Variants in SCRIB observed in about 807,000 individuals in gnomAD.
The protein encoded by SCRIB is protein scribble homolog.
In SCRIB, 72 loss-of-function variants were observed where a neutral mutation model predicts 170.0. The ratio of observed to expected loss-of-function variants is 0.42; its 90% CI spans 0.35 to 0.52. The LOEUF (loss-of-function observed/expected upper bound fraction) is 0.52, where lower values mean the gene tolerates loss of function less well. SCRIB is among the 20% of genes least tolerant of loss of function. SCRIB has a pLI of 0.02. For synonymous variants in SCRIB, 1,298 were observed against 1,044.3 expected, an observed-to-expected ratio of 1.24 and a Z score of -4.68; for missense variants, 2,475 against 2,338.5, an observed-to-expected ratio of 1.06 and a Z score of -1.20.
In SCRIB at chr8:143,813,306, C is replaced by A. The variant is rs753422646; in HGVS notation, c.567+5G>T. The A allele has an allele frequency of 2.5e-6, 4 of 1,613,480 alleles. No individual in the cohort carries two copies. The South Asian group carries it at 3.3e-5, about 13-fold the overall frequency. On this transcript the variant is annotated splice_donor_5th_base_variant and intron_variant, in intron 6 of 36. Coordinates refer to ENST00000356994, the MANE Select transcript of SCRIB (RefSeq NM_182706.5). ...CGGTCTCTGCCCTGTCAGGCCTCCA[C>A]GCACCAGCACTTCCAGATCGTTGCC...
chr8:143,799,761 T>C (rs1554634667), intron 24 of SCRIB, among the ~76,000 whole-genome samples: 1 of 144,278 alleles, frequency 6.9e-6, no homozygotes, highest in Non-Finnish European at 1.5e-5. Context: ...GCACCAGTCC[T>C]AGAAAGCAGG....
chr8:143,811,273 G>A lies in SCRIB; in HGVS notation c.979C>T (p.Leu327=). 1 of 1,612,466 alleles carries A rather than the reference G, an allele frequency of 6.2e-7. No homozygotes were observed. The highest frequency in any genetic ancestry group is 8.5e-7 in the Non-Finnish European group (1 of 1,179,756). ...ACACAGCCCCCGATCTCGGGCGGCA[G>A]CGCCTCGAGGTGGTTCCGGTCCACG... The part of the protein sequence containing the change: ...LNVDRNHLEA[L]PPEIGGCVAL... Residue 327 remains leucine, a synonymous_variant, in exon 10 of 37, where the codon CTG becomes TTG. Transcript: ENST00000356994.
intron 1 of SCRIB, 158 bp downstream of exon 1, chr8:143,815,056 G>A (rs2130175338): frequency 4.8e-6 from 4 of 831,362 alleles, no homozygotes; most frequent in South Asian, 4.7e-5. Flanking sequence ...CAGGGCGGCT[G>A]GAAGAGAAGG....
Position 143,812,845 on chromosome 8 carries a change from G to T in SCRIB, c.759C>A (p.Asn253Lys). The change falls in exon 8 of 37, where the codon AAC becomes AAA. Residue 253 changes from asparagine (N) to lysine (K), a missense_variant. Asn to Lys is a moderately conservative substitution (Grantham distance 94). Transcript: ENST00000356994. ...TGCCGTCGGGCAGCCTCCGCAGCAG[G>T]TTCTGGGACAGCAGCAGGTCAGTGA... ...VLLTDLLLSQ[N>K]LLRRLPDGIG... 6.2e-7 allele frequency: 1 copy of T among 1,604,650 alleles called. No homozygotes were observed.
At position 143,804,769 on chromosome 8, in the gene SCRIB, G is replaced by T; in HGVS notation, c.2808C>A (p.Thr936=). 6.2e-7 allele frequency: 1 copy of T among 1,603,648 alleles called. No individual in the cohort carries two copies. Among genetic ancestry groups the T allele is most frequent in the East Asian group, 2.2e-5 (1 of 44,644 alleles). ...ARHDHAVSLL[T]AASPTIALLL... is the part of the protein sequence containing the mutation. ...GCAGGGCGATGGTGGGGGAGGCAGC[G>T]GTCAGCAGGGAGACGGCGTGGTCAT... Residue 936 remains threonine, a synonymous_variant, in exon 21 of 37, where the codon ACC becomes ACA. Transcript: ENST00000356994.
Position 143,810,667 on chromosome 8 carries a change from C to T in SCRIB, c.1404+19G>A, listed in dbSNP as rs1226630030. The T allele has an allele frequency of 3.1e-6, 5 of 1,602,470 alleles. No individual in the cohort carries two copies. Among genetic ancestry groups the T allele is most frequent in the East Asian group, 2.2e-5 (1 of 44,606 alleles). On this transcript the variant is annotated intron_variant, in intron 12 of 36. Transcript: ENST00000356994. ...AGGGGTCAGGCAGAGGTTCGCCCCC[C>T]AGATCCTCACCCTCATACCCGCTTC...
In SCRIB at chr8:143,810,947, A is replaced by G; in HGVS notation, c.1232T>C (p.Leu411Pro). 1 of 1,612,060 alleles carries G rather than the reference A, an allele frequency of 6.2e-7. No individual in the cohort carries two copies. Among genetic ancestry groups the G allele is most frequent in the Non-Finnish European group, 8.5e-7 (1 of 1,179,856 alleles). Residue 411 changes from leucine to proline, a missense_variant, in exon 11 of 37, where the codon CTC (leucine) becomes CCC (proline). Leu to Pro is a moderately conservative substitution (Grantham distance 98). Around this residue, in one of 3 missense-constraint regions of SCRIB, gnomAD observed 487 missense variants for 558.1 expected, o/e 0.87. Coordinates refer to ENST00000356994, the MANE Select transcript of SCRIB (RefSeq NM_182706.5). Reference protein sequence around the residue: ...EDDARTGEKVLTCYLLPQQPP... With the variant: ...EDDARTGEKVPTCYLLPQQPP... ...CTGCTGGGGCAGCAAGTAGCAGGTG[A>G]GCACCTTCTCGCCGGTCCGGGCATC...
rs970936933 is a variant in SCRIB at position 143,815,617 on chromosome 8, AGCGGCG to A, written c.-251_-246del. On this transcript the variant is annotated 5_prime_UTR_variant, in exon 1 of 37. Transcript: ENST00000356994. ...TCTCAGACTCTTAGGAAGCGCGGGG[AGCGGCG>A]GCGGCGGCGGCTCCGCATCCCGCTT... 6.1e-6 allele frequency: 6 copies of A among 980,334 alleles called. No homozygotes were observed. Among genetic ancestry groups the A allele is most frequent in the East Asian group, 1.2e-4 (1 of 8,686 alleles). 60.7% of individuals were successfully genotyped at this position (980,334 alleles called of 1,614,324 possible). A position where few individuals can be genotyped will look rare whatever the true frequency, so the allele number is the denominator to read the frequency against.
Position 143,807,532 on chromosome 8 carries a change from G to A in SCRIB, c.2178+20C>T. ...AGGCCAGCAGCGGCCCGGCCAGAGT[G>A]CAGAGCGAGCAGTACAGACCTCTTC... On this transcript the variant is annotated intron_variant, in intron 16 of 36. Coordinates refer to ENST00000356994, the MANE Select transcript of SCRIB (RefSeq NM_182706.5). 1.4e-5 allele frequency: 22 copies of A among 1,607,560 alleles called. No homozygotes were observed. The highest frequency in any genetic ancestry group is 1.8e-5 in the Non-Finnish European group (21 of 1,174,164).
At chr8:143,792,672 G>A (rs374203286) in intron 30 of SCRIB, 36 bp downstream of exon 30, 71 of 1,591,120 alleles carry the variant, frequency 4.5e-5, no homozygotes, top group Non-Finnish European at 5.7e-5. Context: ...CAGACCAGCC[G>A]AGACCCAACC....
In SCRIB at chr8:143,804,728, G is replaced by T; in HGVS notation, c.2849C>A (p.Ala950Asp). ...PTIALLLERE[A>D]GGPLPPSPLP... Reference sequence around the variant, plus strand: ...AGGGCTGGGAGGAAGAGGGCCCCCAGCCTCCCGCTCCAACAGCAGGGCGAT... The same window carrying T: ...AGGGCTGGGAGGAAGAGGGCCCCCATCCTCCCGCTCCAACAGCAGGGCGAT... The change falls in exon 21 of 37, where the codon GCT becomes GAT. Residue 950 changes from alanine (A) to aspartate (D), a missense_variant. By Grantham distance (126) the Ala-to-Asp change is moderately radical. Around this residue, in one of 3 missense-constraint regions of SCRIB, gnomAD observed 1,966 missense variants for 1,742.9 expected, o/e 1.13. Transcript: ENST00000356994. 6.3e-7 allele frequency: 1 copy of T among 1,592,078 alleles called. No homozygotes were observed. Among genetic ancestry groups the T allele is most frequent in the Non-Finnish European group, 8.6e-7 (1 of 1,169,540 alleles).
At chr8:143,806,316 C>T (rs1025210134) in intron 18 of SCRIB, 91 bp downstream of exon 18, 25 of 1,023,442 alleles carry the variant, frequency 2.4e-5, no homozygotes, top group Middle Eastern at 4.1e-4. Flanking sequence ...TTGGGGAGGC[C>T]GGGAGAAGGC....
chr8:143,793,140 G>C lies in SCRIB; in HGVS notation c.3910-57C>G, dbSNP rs761378837. The C allele has an allele frequency of 1.6e-3, 1,610 of 994,804 alleles. 5 individuals carry two copies. Among genetic ancestry groups the C allele is most frequent in the Non-Finnish European group, 2.1e-3 (1,491 of 717,984 alleles). 61.6% of individuals were successfully genotyped at this position (994,804 alleles called of 1,614,324 possible). On this transcript the variant is annotated intron_variant, in intron 28 of 36. Transcript: ENST00000356994. ...GGGCAGCTGTCGGGGCTGCAGCTGTGTGCAACTCACCACCGGCTGTCCCCC... is the reference window on the plus strand; with the variant it reads ...GGGCAGCTGTCGGGGCTGCAGCTGTCTGCAACTCACCACCGGCTGTCCCCC...
intron 8 of SCRIB, among the ~76,000 whole-genome samples, 170 bp from the exon 9 acceptor site, chr8:143,812,554 C>T (rs1815790835): frequency 6.6e-6 from 1 of 152,158 alleles, no homozygotes; most frequent in Non-Finnish European, 1.5e-5. Context: ...ACCCAACCTC[C>T]TTCAAGAAAA....
chr8:143,809,712 G>A lies in SCRIB; in HGVS notation c.1537C>T (p.Arg513Trp), dbSNP rs765096030. The change falls in exon 14 of 37, where the codon CGG becomes TGG. Residue 513 changes from arginine to tryptophan, a missense_variant. Around this residue, in one of 3 missense-constraint regions of SCRIB, gnomAD observed 1,966 missense variants for 1,742.9 expected, o/e 1.13. Coordinates refer to ENST00000356994, the MANE Select transcript of SCRIB (RefSeq NM_182706.5). ...GSPLPAEEEK[R>W]LSAESGLSED... ...CTCAGGCCAGACTCGGCACTCAGCC[G>A]CTTCTCCTGCGGCGGGAAGTGGGGT... 32 of 1,607,914 alleles carry A rather than the reference G, an allele frequency of 2.0e-5. No homozygotes were observed. The highest frequency in any genetic ancestry group is 6.6e-5 in the South Asian group (6 of 91,072).
In SCRIB at chr8:143,792,867, G is replaced by C; in HGVS notation, c.4018C>G (p.Pro1340Ala). 6.6e-7 allele frequency: 1 copy of C among 1,513,284 alleles called. No individual in the cohort carries two copies. The highest frequency in any genetic ancestry group is 1.3e-5 in the South Asian group (1 of 76,964). The allele number at this position is 1,513,284 out of a possible 1,614,324, so 93.7% of individuals were successfully genotyped here. The change falls in exon 30 of 37, where the codon CCC becomes GCC. Residue 1340 changes from proline (P) to alanine (A), a missense_variant and splice_region_variant. Pro to Ala is a conservative substitution (Grantham distance 27). Transcript: ENST00000356994. ...GAGGCTGCAGGCCCAGGCGTGGGGG[G>C]CTGGGGGGAGCGGACCTTGAGGTTT... is the stretch of plus-strand genomic sequence containing the variant. ...SHPPEDAPAQ[P>A]PTPGPAASPE...
Position 143,805,257 on chromosome 8 carries a change from C to G in SCRIB, c.2525G>C (p.Gly842Ala), listed in dbSNP as rs1027408351. ...DDYSPRERRG[G>A]GLRLPLLPPE... Reference sequence around the variant, plus strand: ...CGGGAGCAGGGGCAGGCGCAGCCCCCCTCCCCGCCGCTCTCGGGGGCTGTA... The same window carrying G: ...CGGGAGCAGGGGCAGGCGCAGCCCCGCTCCCCGCCGCTCTCGGGGGCTGTA... Residue 842 changes from glycine (G) to alanine (A), a missense_variant, in exon 19 of 37, where the codon GGG becomes GCG. By Grantham distance (60) the Gly-to-Ala change is moderately conservative. This residue lies in a region of SCRIB where 1,966 missense variants were observed against 1,742.9 expected (regional missense o/e 1.13). Coordinates refer to ENST00000356994, the MANE Select transcript of SCRIB (RefSeq NM_182706.5). 14 of 1,532,112 alleles carry G rather than the reference C, an allele frequency of 9.1e-6. No homozygotes were observed. Among genetic ancestry groups the G allele is most frequent in the Admixed American group, 2.0e-5 (1 of 50,422 alleles). The allele number at this position is 1,532,112 out of a possible 1,614,324, so 94.9% of individuals were successfully genotyped here. A position where few individuals can be genotyped will look rare whatever the true frequency, so the allele number is the denominator to read the frequency against.
intron 24 of SCRIB, among the ~76,000 whole-genome samples, chr8:143,796,749 T>C (rs1037343776): frequency 9.9e-5 from 15 of 152,190 alleles, no homozygotes; most frequent in African/African-American, 3.6e-4. Flanking sequence ...GTGCCTGTCT[T>C]CTCAGTTTCT....
Position 143,814,067 on chromosome 8 carries a change from T to C in SCRIB, c.211A>G (p.Ile71Val). Reference sequence around the variant, plus strand: ...GCCACCTCGGGAGGCAACCGCTGGATCTCGTTGTCGCTCAGGCCCAGCTTG... The same window carrying C: ...GCCACCTCGGGAGGCAACCGCTGGACCTCGTTGTCGCTCAGGCCCAGCTTG... ...LRKLGLSDNE[I>V]QRLPPEVANF... The change falls in exon 2 of 37, where the codon ATC (isoleucine) becomes GTC (valine). Residue 71 changes from isoleucine to valine, a missense_variant. By Grantham distance (29) the Ile-to-Val change is conservative (BLOSUM62 3). This residue lies in a region of SCRIB where 487 missense variants were observed against 558.1 expected (regional missense o/e 0.87). Coordinates refer to ENST00000356994, the MANE Select transcript of SCRIB (RefSeq NM_182706.5). 1.9e-6 allele frequency: 3 copies of C among 1,556,476 alleles called. No individual in the cohort carries two copies. The highest frequency in any genetic ancestry group is 2.6e-6 in the Non-Finnish European group (3 of 1,149,872).
Sources: allele counts gnomAD v4.1 joint callset (sites outside exome capture counted in the v4.1 genomes callset), GRCh38; gene constraint gnomAD v4.1.1; regional missense constraint gnomAD v4.1.1; transcripts MANE v1.5; gene names NCBI Gene and HGNC (gene_info 2026-07-23, HGNC 2026-07-21).